Variants in CYRIA observed in about 807,000 individuals in gnomAD.
CYRIA encodes the protein CYFIP related Rac1 interactor A.
Under a neutral mutation model 43.9 loss-of-function variants are expected in CYRIA, and 15 were observed. The ratio of observed to expected loss-of-function variants is 0.34; its 90% CI spans 0.23 to 0.53. CYRIA has a LOEUF of 0.53. Among genes scored for constraint, CYRIA ranks in the 20% least tolerant of loss-of-function variants. CYRIA has a pLI of 0.94. For missense variants in CYRIA, 236 were observed against 394.2 expected (o/e 0.60, Z 3.40); for synonymous variants, 117 against 136.0 (o/e 0.86, Z 0.97).
At chr2:16,609,057 G>C (rs1009871686) in intron 2 of CYRIA, among the ~76,000 whole-genome samples, 1 of 152,148 alleles carries the variant, frequency 6.6e-6, no homozygotes, top group South Asian at 2.1e-4. Flanking sequence ...GAAGGCGAGT[G>C]CACACACACA....
At chr2:16,602,792 A>C (rs1668255788) in intron 2 of CYRIA, among the ~76,000 whole-genome samples, 1 of 152,186 alleles carries the variant, frequency 6.6e-6, no homozygotes, top group South Asian at 2.1e-4. Flanking sequence ...CATTAATACA[A>C]AGAGTAAATG....
At chr2:16,611,386 G>A (rs140375857) in intron 2 of CYRIA, among the ~76,000 whole-genome samples, 2 of 152,122 alleles carry the variant, frequency 1.3e-5, no homozygotes, top group African/African-American at 4.8e-5. Context: ...AATAAATCTG[G>A]TAACCAGTCA....
intron 1 of CYRIA, among the ~76,000 whole-genome samples, chr2:16,634,730 T>C (rs545646625): frequency 6.6e-6 from 1 of 152,316 alleles, no homozygotes; most frequent in East Asian, 1.9e-4. Flanking sequence ...GCAGCACACA[T>C]GGACTTGGGG....
At chr2:16,638,370 T>C (rs1031645321) in intron 1 of CYRIA, among the ~76,000 whole-genome samples, 17 of 152,292 alleles carry the variant, frequency 1.1e-4, no homozygotes, top group Admixed American at 1.1e-3. Context: ...GAAGCATCCG[T>C]GGTGGGCACC....
intron 1 of CYRIA, among the ~76,000 whole-genome samples, chr2:16,634,945 C>T (rs1669448307): frequency 1.3e-5 from 2 of 152,210 alleles, no homozygotes; most frequent in African/African-American, 4.8e-5. Flanking sequence ...AGGAGCAAAC[C>T]ACTGAATGGA....
At chr2:16,563,578 G>A (rs112442652) in intron 5 of CYRIA, among the ~76,000 whole-genome samples, 15 of 152,258 alleles carry the variant, frequency 9.9e-5, no homozygotes, top group African/African-American at 3.4e-4. Context: ...AGGAAATAAT[G>A]TTACATTGTT....
Position 16,564,017 on chromosome 2 carries a change from C to T in CYRIA, c.270G>A (p.Lys90=). 6.2e-7 allele frequency: 1 copy of T among 1,613,446 alleles called. No homozygotes were observed. Among genetic ancestry groups the T allele is most frequent in the Non-Finnish European group, 8.5e-7 (1 of 1,179,646 alleles). The part of the protein sequence containing the change: ...NAVCPLVVRL[K]RFYEFSIRLE... The stretch of plus-strand genomic sequence containing the variant: ...GTCTAATGGAAAACTCGTAAAATCT[C>T]TTTAGCCTCACAACAAGAGGGCACA... Residue 90 remains lysine, a synonymous_variant, in exon 5 of 12, where the codon AAG becomes AAA. Coordinates refer to ENST00000381323, the MANE Select transcript of CYRIA (RefSeq NM_030797.4).
intron 1 of CYRIA, among the ~76,000 whole-genome samples, chr2:16,651,259 C>T (rs1669968364): frequency 6.6e-6 from 1 of 152,214 alleles, no homozygotes; most frequent in South Asian, 2.1e-4. Context: ...TTTCAAGCCT[C>T]CTCGTACCTG....
chr2:16,562,190 T>A lies in CYRIA; in HGVS notation c.299-49A>T, dbSNP rs544084290. ...ATATGTTGGAGGTGGCCCACAGAGGTCCTTCAAAGAACACAATTCCCAGCC... is the reference window on the plus strand; with the variant it reads ...ATATGTTGGAGGTGGCCCACAGAGGACCTTCAAAGAACACAATTCCCAGCC... On this transcript the variant is annotated intron_variant, in intron 5 of 11. Transcript: ENST00000381323. The A allele has an allele frequency of 2.0e-5, 32 of 1,568,734 alleles. No individual in the cohort carries two copies. In the African/African-American group the frequency reaches 3.0e-4, roughly 15 times the overall value.
At chr2:16,584,751 G>A (rs1014856895) in intron 3 of CYRIA, among the ~76,000 whole-genome samples, 1 of 152,022 alleles carries the variant, frequency 6.6e-6, no homozygotes, top group African/African-American at 2.4e-5. Context: ...CAGTTTCCAT[G>A]CCTTTAATCA....
At chr2:16,581,672 A>G (rs1667553669) in intron 3 of CYRIA, among the ~76,000 whole-genome samples, 1 of 152,174 alleles carries the variant, frequency 6.6e-6, no homozygotes, top group Admixed American at 6.5e-5. Context: ...GAAAAGTTAC[A>G]TAGAACTACT....
In CYRIA at chr2:16,556,931, C is replaced by T. The variant is rs74637470; in HGVS notation, c.838-1792G>A. On this transcript the variant is annotated intron_variant, in intron 10 of 11. Transcript: ENST00000381323. ...TTGGAGGACGATGAAATACCTGAGA[C>T]GGGAACCCAGGAGAAGGAACAGGTT... Among the ~76,000 whole-genome samples the T allele has an allele frequency of 9.9e-3, 1,500 of 152,046 alleles. 23 individuals carry two copies. Among genetic ancestry groups the T allele is most frequent in the African/African-American group, 0.034 (1,404 of 41,464 alleles).
At chr2:16,599,847 C>T (rs986338056) in intron 2 of CYRIA, among the ~76,000 whole-genome samples, 1 of 152,182 alleles carries the variant, frequency 6.6e-6, no homozygotes, top group Non-Finnish European at 1.5e-5. Context: ...ACCTCTGCCT[C>T]CCGTGTTCAA....
At chr2:16,640,117 G>A (rs557784709) in intron 1 of CYRIA, among the ~76,000 whole-genome samples, 80 of 152,336 alleles carry the variant, frequency 5.3e-4, no homozygotes, top group Non-Finnish European at 1.0e-3. Flanking sequence ...CCGCATGCAT[G>A]CGCCTGCACG....
chr2:16,606,546 TAA>T (rs58851451), intron 2 of CYRIA, among the ~76,000 whole-genome samples: 21 of 134,652 alleles, frequency 1.6e-4, no homozygotes, highest in African/African-American at 2.7e-4. Flanking sequence ...ACAATATAAC[TAA>T]AAAAAAAAAA....
At chr2:16,591,709 A>G (rs1049340646) in intron 2 of CYRIA, among the ~76,000 whole-genome samples, 4 of 152,128 alleles carry the variant, frequency 2.6e-5, no homozygotes, top group South Asian at 2.1e-4. Flanking sequence ...ACGTCAGTTT[A>G]CCATTTTTCC....
At chr2:16,579,169 T>A (rs906330304) in intron 3 of CYRIA, among the ~76,000 whole-genome samples, 4 of 152,098 alleles carry the variant, frequency 2.6e-5, no homozygotes, top group African/African-American at 9.7e-5. Flanking sequence ...CCCCCAAACC[T>A]GTGGATCTAG....
chr2:16,659,693 G>C (rs966505443), intron 1 of CYRIA, among the ~76,000 whole-genome samples: 1 of 152,226 alleles, frequency 6.6e-6, no homozygotes, highest in Non-Finnish European at 1.5e-5. Flanking sequence ...ATGCGAATGA[G>C]AGAACTTGAA....
chr2:16,630,643 T>C (rs1669302089), intron 1 of CYRIA, among the ~76,000 whole-genome samples: 1 of 152,044 alleles, frequency 6.6e-6, no homozygotes, highest in Non-Finnish European at 1.5e-5. Flanking sequence ...CTGGGGTGGG[T>C]TCCTTCTCCT....
Sources: allele counts gnomAD v4.1 joint callset (sites outside exome capture counted in the v4.1 genomes callset), GRCh38; gene constraint gnomAD v4.1.1; transcripts MANE v1.5; gene names NCBI Gene and HGNC (gene_info 2026-07-23, HGNC 2026-07-21).